The following FAM171A1 variants were observed in gnomAD, a reference collection of about 807,000 sequenced individuals.
FAM171A1 encodes protein FAM171A1.
FAM171A1 carries 23 observed loss-of-function variants against 74.9 expected under a neutral mutation model. The observed-to-expected ratio is 0.31, with a 90% CI of 0.22 to 0.44. The LOEUF is 0.44. Among genes scored for constraint, FAM171A1 ranks in the 20% least tolerant of loss-of-function variants. The pLI, the probability that FAM171A1 is intolerant of heterozygous loss-of-function variation, is 1.00. For synonymous variants in FAM171A1, 527 were observed against 505.7 expected, an observed-to-expected ratio of 1.04 and a Z score of -0.57; for missense variants, 1,162 against 1,159.2, an observed-to-expected ratio of 1.00 and a Z score of -0.03.
At chr10:15,316,276 T>C (rs1449929795) in intron 1 of FAM171A1, among the ~76,000 whole-genome samples, 1 of 152,192 alleles carries the variant, frequency 6.6e-6, no homozygotes, top group African/African-American at 2.4e-5. Context: ...GTATTTTCTG[T>C]TTAGAGTGTC....
chr10:15,259,384 T>C (rs1200981539), intron 3 of FAM171A1, among the ~76,000 whole-genome samples: 1 of 152,046 alleles, frequency 6.6e-6, no homozygotes, highest in African/African-American at 2.4e-5. Flanking sequence ...ACTACTCTAA[T>C]CATGTCCTTT....
intron 1 of FAM171A1, among the ~76,000 whole-genome samples, chr10:15,312,086 G>T (rs981487821): frequency 6.6e-6 from 1 of 152,208 alleles, no homozygotes; most frequent in Non-Finnish European, 1.5e-5. Flanking sequence ...AGATTCAAGC[G>T]TGCATCTTCT....
intron 1 of FAM171A1, among the ~76,000 whole-genome samples, chr10:15,315,712 C>T (rs564931776): frequency 1.3e-4 from 20 of 152,290 alleles, no homozygotes; most frequent in Admixed American, 4.6e-4. Context: ...GCCTTACCTC[C>T]CTGGGATTCA....
intron 2 of FAM171A1, among the ~76,000 whole-genome samples, chr10:15,280,474 C>A (rs867113068): frequency 6.6e-6 from 1 of 152,108 alleles, no homozygotes; most frequent in Non-Finnish European, 1.5e-5. Context: ...AGAATGACAG[C>A]CTTTAGTGGA....
At chr10:15,373,841 G>C (rs944239423), upstream of FAM171A1, among the ~76,000 whole-genome samples, 2 of 152,158 alleles carry the variant, frequency 1.3e-5, no homozygotes, top group African/African-American at 4.8e-5. Flanking sequence ...TTTCAGGGTG[G>C]AAGAAATCTT....
intron 1 of FAM171A1, among the ~76,000 whole-genome samples, chr10:15,361,977 C>T (rs549455792): frequency 1.3e-5 from 2 of 152,338 alleles, no homozygotes; most frequent in East Asian, 3.9e-4. Flanking sequence ...AAAACAATCT[C>T]TGGTAAACTC....
intron 1 of FAM171A1, among the ~76,000 whole-genome samples, chr10:15,310,963 G>C (rs935962203): frequency 6.6e-6 from 1 of 152,162 alleles, no homozygotes. Flanking sequence ...AGCAGGGCTG[G>C]GAAGACAGAG....
upstream of FAM171A1, among the ~76,000 whole-genome samples, chr10:15,374,226 G>A (rs1588578122): frequency 2.0e-5 from 3 of 152,122 alleles, no homozygotes; most frequent in African/African-American, 7.2e-5. Context: ...CAGAAACACC[G>A]CTGCCATCCC....
At chr10:15,354,389 AG>A (rs1265853221) in intron 1 of FAM171A1, among the ~76,000 whole-genome samples, 2 of 152,100 alleles carry the variant, frequency 1.3e-5, no homozygotes, top group Non-Finnish European at 2.9e-5. Context: ...TCAGCTATTC[AG>A]AAGGCTGAGC....
chr10:15,271,589 C>A (rs1055068919), intron 3 of FAM171A1, among the ~76,000 whole-genome samples: 4 of 152,094 alleles, frequency 2.6e-5, no homozygotes, highest in African/African-American at 9.7e-5. Flanking sequence ...GTCAGATTCA[C>A]CAAAGTTGAA....
chr10:15,273,652 C>T (rs1014909797), intron 3 of FAM171A1, among the ~76,000 whole-genome samples: 20 of 152,110 alleles, frequency 1.3e-4, no homozygotes, highest in African/African-American at 3.4e-4. Flanking sequence ...ACTGGCAAAC[C>T]GAATCCAGCA....
intron 6 of FAM171A1, among the ~76,000 whole-genome samples, chr10:15,217,581 T>C (rs1202624161): frequency 6.6e-6 from 1 of 152,170 alleles, no homozygotes; most frequent in Non-Finnish European, 1.5e-5. Flanking sequence ...GGTTAAAGTT[T>C]ACAAAAATTG....
At chr10:15,337,971 T>C (rs1306966277) in intron 1 of FAM171A1, among the ~76,000 whole-genome samples, 1 of 151,874 alleles carries the variant, frequency 6.6e-6, no homozygotes, top group African/African-American at 2.4e-5. Flanking sequence ...AAAAAAACCC[T>C]TTATCAAGAC....
chr10:15,250,846 C>T (rs1834498621), intron 4 of FAM171A1, among the ~76,000 whole-genome samples: 1 of 152,120 alleles, frequency 6.6e-6, no homozygotes, highest in Non-Finnish European at 1.5e-5. Flanking sequence ...TAATGTTTTC[C>T]ATCAGGGAGT....
intron 1 of FAM171A1, among the ~76,000 whole-genome samples, chr10:15,297,968 C>T (rs886431612): frequency 1.3e-5 from 2 of 152,198 alleles, no homozygotes; most frequent in Non-Finnish European, 2.9e-5. Flanking sequence ...TGTTGCTGGA[C>T]TTACCTGCTC....
At chr10:15,261,823 A>G (rs1333523602) in intron 3 of FAM171A1, among the ~76,000 whole-genome samples, 3 of 152,140 alleles carry the variant, frequency 2.0e-5, no homozygotes, top group Non-Finnish European at 4.4e-5. Context: ...GTAAGTCCCA[A>G]TCAAGAGTTT....
chr10:15,361,757 C>T (rs376894802), intron 1 of FAM171A1, among the ~76,000 whole-genome samples: 137 of 152,280 alleles, frequency 9.0e-4, no homozygotes, highest in African/African-American at 3.1e-3. Context: ...GTGTTCAGTG[C>T]TCTTCATTCA....
At chr10:15,264,041 C>T (rs962555856) in intron 3 of FAM171A1, among the ~76,000 whole-genome samples, 2 of 152,112 alleles carry the variant, frequency 1.3e-5, no homozygotes, top group African/African-American at 4.8e-5. Flanking sequence ...TACACTGGCA[C>T]AATCATGGCT....
At chr10:15,334,376 G>A (rs2131863187) in intron 1 of FAM171A1, among the ~76,000 whole-genome samples, 1 of 152,282 alleles carries the variant, frequency 6.6e-6, no homozygotes, top group Middle Eastern at 3.4e-3. Flanking sequence ...GGAGATCTGA[G>A]GGTAAATGAT....
Sources: gnomAD v4.1 joint callset for allele counts (sites outside exome capture counted in the v4.1 genomes callset) on GRCh38, gnomAD v4.1.1 for gene constraint, MANE v1.5 for transcripts, NCBI Gene and HGNC (gene_info 2026-07-23, HGNC 2026-07-21) for gene names.